Variants in PHACTR1 observed in about 807,000 individuals in gnomAD.
PHACTR1 encodes phosphatase and actin regulator 1, also known as RPEL repeat containing 1.
PHACTR1 carries 16 observed loss-of-function variants against 69.2 expected under a neutral mutation model. The observed-to-expected ratio is 0.23, with a 90% CI of 0.16 to 0.35. PHACTR1 has a LOEUF of 0.35. Among genes scored for constraint, PHACTR1 ranks in the 10% least tolerant of loss-of-function variants. PHACTR1 has a pLI of 1.00. For synonymous variants in PHACTR1, 312 were observed against 284.5 expected (o/e 1.10, Z -0.97); for missense variants, 510 against 734.7 (o/e 0.69, Z 3.54).
At position 13,205,967 on chromosome 6, in the gene PHACTR1, C is replaced by A. The variant is rs1303017283; in HGVS notation, c.817C>A (p.Gln273Lys). 6.2e-7 allele frequency: 1 copy of A among 1,613,922 alleles called. No individual in the cohort carries two copies. Among genetic ancestry groups the A allele is most frequent in the African/African-American group, 1.3e-5 (1 of 74,932 alleles). Residue 273 changes from glutamine to lysine, a missense_variant, in exon 8 of 15, where the codon CAG (glutamine) becomes AAG (lysine). This residue lies in a region of PHACTR1 where 419 missense variants were observed against 530.9 expected (regional missense o/e 0.79). Transcript: ENST00000332995. ...AQKSGQQGVA[Q>K]HHHTVLPSQI... ...GAAGAGTGGCCAGCAGGGTGTGGCC[C>A]AGCACCACCACACTGTCCTGCCCTC...
intron 5 of PHACTR1, among the ~76,000 whole-genome samples, chr6:13,089,647 G>C (rs944285771): frequency 1.3e-5 from 2 of 152,146 alleles, no homozygotes; most frequent in African/African-American, 4.8e-5. Flanking sequence ...CATGTGACAG[G>C]GTCAGCGTTA....
At chr6:13,062,650 C>A (rs1302602284) in intron 5 of PHACTR1, among the ~76,000 whole-genome samples, 1 of 152,198 alleles carries the variant, frequency 6.6e-6, no homozygotes, top group East Asian at 1.9e-4. Context: ...GCCTTCCATG[C>A]TAGCCCCAGA....
intron 5 of PHACTR1, among the ~76,000 whole-genome samples, chr6:13,082,888 G>A (rs1811640875): frequency 6.6e-6 from 1 of 152,124 alleles, no homozygotes; most frequent in African/African-American, 2.4e-5. Flanking sequence ...CTCCCATTCT[G>A]TAGGTTGCCT....
chr6:13,023,146 C>T (rs951146959), intron 4 of PHACTR1, among the ~76,000 whole-genome samples: 5 of 152,150 alleles, frequency 3.3e-5, no homozygotes, highest in African/African-American at 1.2e-4. Context: ...GTGTCGTTCA[C>T]CTGAATTGCA....
At chr6:12,946,007 G>T (rs921090085) in intron 4 of PHACTR1, among the ~76,000 whole-genome samples, 2 of 132,900 alleles carry the variant, frequency 1.5e-5, no homozygotes, top group Non-Finnish European at 3.3e-5. Flanking sequence ...AAATGCTAAA[G>T]TTCATGAAAC....
chr6:13,172,223 C>T (rs1760725173), intron 6 of PHACTR1, among the ~76,000 whole-genome samples: 1 of 152,204 alleles, frequency 6.6e-6, no homozygotes, highest in Non-Finnish European at 1.5e-5. Flanking sequence ...TATATTCAAT[C>T]TCTGCCCCAG....
At position 13,179,387 on chromosome 6, in the gene PHACTR1, C is replaced by A. The variant is rs898275338; in HGVS notation, c.497-3132C>A. On this transcript the variant is annotated intron_variant, in intron 6 of 14. Transcript: ENST00000332995. The surrounding 1 kb of genome is among the most constrained non-coding windows in gnomAD (Gnocchi z 4.2). ...TTAGCTTAATGATGGGTATATACAG[C>A]CCATTACATTAATGTTTCGTGTGTG... 3.9e-4 allele frequency among the ~76,000 whole-genome samples: 56 copies of A among 143,126 alleles called. No homozygotes were observed. The highest frequency in any genetic ancestry group is 7.6e-4 in the Non-Finnish European group (50 of 65,944). 93.9% of individuals were successfully genotyped at this position (143,126 alleles called of 152,430 possible).
chr6:13,010,927 C>T (rs959955131), intron 4 of PHACTR1, among the ~76,000 whole-genome samples: 3 of 152,174 alleles, frequency 2.0e-5, no homozygotes, highest in East Asian at 1.9e-4. Context: ...CGGGACAGTG[C>T]GCACATCAGC....
chr6:13,273,149 CT>C, intron 11 of PHACTR1: 1 of 531,078 alleles, frequency 1.9e-6, no homozygotes, highest in Non-Finnish European at 3.3e-6. Context: ...CAGAACCTTC[CT>C]TTTAGTGAGT....
At chr6:12,996,371 T>C (rs889258299) in intron 4 of PHACTR1, among the ~76,000 whole-genome samples, 1 of 152,148 alleles carries the variant, frequency 6.6e-6, no homozygotes, top group African/African-American at 2.4e-5. Context: ...ACAAACAGAC[T>C]ATTAGAAGGA....
At chr6:13,000,060 G>A (rs1797890860) in intron 4 of PHACTR1, among the ~76,000 whole-genome samples, 1 of 152,208 alleles carries the variant, frequency 6.6e-6, no homozygotes, top group Non-Finnish European at 1.5e-5. Flanking sequence ...GGACTGAGCA[G>A]GGAACTCTGT....
intron 6 of PHACTR1, among the ~76,000 whole-genome samples, chr6:13,161,171 G>T (rs1486375978): frequency 6.6e-6 from 1 of 151,922 alleles, no homozygotes; most frequent in Non-Finnish European, 1.5e-5. Context: ...TGCAGACAGG[G>T]TCCCACTATG....
At position 13,205,823 on chromosome 6, in the gene PHACTR1, G is replaced by A. The variant is rs1295452474; in HGVS notation, c.673G>A (p.Ala225Thr). 21 of 1,583,016 alleles carry A rather than the reference G, an allele frequency of 1.3e-5. No homozygotes were observed. The highest frequency in any genetic ancestry group is 2.3e-5 in the South Asian group (2 of 88,436). ...CCCTCTTTCTGCCACAGATCCTGGC[G>A]CCCCTGTGAAATTGCCTTGTCTGCC... The part of the protein sequence containing the change: ...SDIMDGPDPG[A>T]PVKLPCLPVK... Residue 225 changes from alanine to threonine, a missense_variant, in exon 8 of 15, where the codon GCC becomes ACC. Coordinates refer to ENST00000332995, the MANE Select transcript of PHACTR1 (RefSeq NM_030948.6).
chr6:12,821,518 T>C (rs764807785), intron 4 of PHACTR1, among the ~76,000 whole-genome samples: 1 of 144,908 alleles, frequency 6.9e-6, no homozygotes, highest in Non-Finnish European at 1.5e-5. Context: ...TAAGCATCAA[T>C]GAGTGTGGCT....
At chr6:13,025,713 G>A (rs1801608112) in intron 4 of PHACTR1, among the ~76,000 whole-genome samples, 1 of 150,916 alleles carries the variant, frequency 6.6e-6, no homozygotes. Context: ...GTGTGTGTCT[G>A]TGTGTATGGG....
intron 10 of PHACTR1, among the ~76,000 whole-genome samples, chr6:13,259,716 G>A (rs917467785): frequency 1.3e-5 from 2 of 152,174 alleles, no homozygotes; most frequent in African/African-American, 4.8e-5. Flanking sequence ...ATGTGCTCAA[G>A]GGACCTTCTG....
At chr6:12,772,451 A>C (rs1234487873) in intron 4 of PHACTR1, among the ~76,000 whole-genome samples, 2 of 152,244 alleles carry the variant, frequency 1.3e-5, no homozygotes, top group Non-Finnish European at 2.9e-5. Context: ...ATCTATTAAA[A>C]ATATTGAGAT....
chr6:12,817,764 A>G (rs1775748992), intron 4 of PHACTR1, among the ~76,000 whole-genome samples: 1 of 152,190 alleles, frequency 6.6e-6, no homozygotes, highest in African/African-American at 2.4e-5. Flanking sequence ...TCTATTAGTA[A>G]GGTAAACTAT....
chr6:12,768,289 T>A lies in PHACTR1; in HGVS notation c.250+18499T>A, dbSNP rs889222362. Among the ~76,000 whole-genome samples the A allele has an allele frequency of 5.3e-4, 81 of 152,162 alleles. 1 individual carries two copies. Among genetic ancestry groups the A allele is most frequent in the East Asian group, 3.9e-4 (2 of 5,174 alleles). ...GCCACCATGCCCGGCTAATTTTTTG[T>A]ATTTTTAGTAGAGACGGGGTTTCAC... is the stretch of plus-strand genomic sequence containing the variant. On this transcript the variant is annotated intron_variant, in intron 4 of 14. Coordinates refer to ENST00000332995, the MANE Select transcript of PHACTR1 (RefSeq NM_030948.6).
Sources: allele counts gnomAD v4.1 joint callset (sites outside exome capture counted in the v4.1 genomes callset), GRCh38; gene constraint gnomAD v4.1.1; regional missense constraint gnomAD v4.1.1; non-coding constraint Gnocchi (gnomAD v3.1); transcripts MANE v1.5; gene names NCBI Gene and HGNC (gene_info 2026-07-23, HGNC 2026-07-21).